The following UBE2V1 variants were observed in gnomAD, a reference collection of about 807,000 sequenced individuals.
The protein encoded by UBE2V1 is ubiquitin-conjugating enzyme E2 variant 1.
A neutral mutation model predicts 19.6 loss-of-function variants in UBE2V1; 15 were observed. The ratio of observed to expected loss-of-function variants is 0.77; its 90% CI spans 0.51 to 1.18. The LOEUF is 1.18. Among genes scored for constraint, UBE2V1 ranks in the 50% most tolerant of loss-of-function variants. The pLI is 0.00. For missense variants in UBE2V1, 125 were observed against 184.8 expected, an observed-to-expected ratio of 0.68 and a Z score of 1.88; for synonymous variants, 60 against 60.7, an observed-to-expected ratio of 0.99 and a Z score of 0.05.
At chr20:50,103,880 A>C (rs1206248979) in intron 1 of UBE2V1, among the ~76,000 whole-genome samples, 1 of 146,692 alleles carries the variant, frequency 6.8e-6, no homozygotes, top group Non-Finnish European at 1.5e-5. Context: ...TCACTCTCTA[A>C]GTTTCTCAAG....
At chr20:50,086,820 G>T (rs1481786493) in intron 2 of UBE2V1, among the ~76,000 whole-genome samples, 1 of 152,262 alleles carries the variant, frequency 6.6e-6, no homozygotes, top group Non-Finnish European at 1.5e-5. Context: ...GCTCACGCCT[G>T]TAATCCCAGC....
upstream of UBE2V1, chr20:50,113,151 G>T (rs1441101665): frequency 7.5e-7 from 1 of 1,332,838 alleles, no homozygotes; most frequent in Admixed American, 3.2e-5. Context: ...TTGCTTGAAG[G>T]CCGGCCCCTT....
At chr20:50,113,066 C>G in intron 1 of UBE2V1, 41 bp downstream of exon 1, 1 of 952,688 alleles carries the variant, frequency 1.0e-6, no homozygotes, top group Non-Finnish European at 1.4e-6. Context: ...CGGCCCAAGC[C>G]CATGCCCCCT....
At chr20:50,113,184 C>G (rs939526253), upstream of UBE2V1, 18 of 1,244,402 alleles carry the variant, frequency 1.4e-5, no homozygotes, top group Admixed American at 6.2e-4. Flanking sequence ...CTTACCCGTC[C>G]CCCGGCCCTG....
intron 2 of UBE2V1, chr20:50,096,351 T>C (rs1203022263): frequency 5.4e-6 from 2 of 369,416 alleles, no homozygotes; most frequent in Admixed American, 4.5e-5. Flanking sequence ...ATGCTGGCTA[T>C]ACCTAGGGCC....
intron 1 of UBE2V1, 26 bp downstream of exon 1, chr20:50,113,081 C>G (rs2080877003): frequency 8.6e-7 from 1 of 1,164,294 alleles, no homozygotes; most frequent in African/African-American, 1.6e-5. Context: ...CCCCCTCGGC[C>G]GGCCGGGCCC....
chr20:50,096,367 A>G, intron 2 of UBE2V1: 1 of 434,744 alleles, frequency 2.3e-6, no homozygotes. Context: ...GGGCCTAGTT[A>G]TTTGGTTAGC....
intron 2 of UBE2V1, 81 bp downstream of exon 2, chr20:50,096,591 C>T (rs1183978643): frequency 6.9e-6 from 11 of 1,604,238 alleles, no homozygotes; most frequent in Non-Finnish European, 9.3e-6. Flanking sequence ...AGCTTTTTTT[C>T]CGTGATAAGG....
intron 1 of UBE2V1, among the ~76,000 whole-genome samples, chr20:50,107,194 C>A (rs1393459164): frequency 6.6e-6 from 1 of 152,166 alleles, no homozygotes; most frequent in Non-Finnish European, 1.5e-5. Context: ...CAAGTTAGTC[C>A]CCAGACCTCA....
In UBE2V1 at chr20:50,096,888, T is replaced by C. The variant is rs938152569; in HGVS notation, c.23-68A>G. The stretch of plus-strand genomic sequence containing the variant: ...GGGAACTTGTAAGCCTAGAGCTAGC[T>C]GCTCATTATCTCTCCCTGGGAATCA... On this transcript the variant is annotated intron_variant, in intron 1 of 3. Coordinates refer to ENST00000371674, the MANE Select transcript of UBE2V1 (RefSeq NM_001032288.3). 1.1e-5 allele frequency: 18 copies of C among 1,591,820 alleles called. No homozygotes were observed. In the African/African-American group the frequency reaches 2.2e-4, roughly 19 times the overall value.
chr20:50,091,298 G>C (rs1311166382), intron 2 of UBE2V1, among the ~76,000 whole-genome samples: 1 of 151,540 alleles, frequency 6.6e-6, no homozygotes, highest in Non-Finnish European at 1.5e-5. Flanking sequence ...CACCTGCCTC[G>C]GCCTCCCAAA....
chr20:50,108,260 A>G (rs192535853), intron 1 of UBE2V1, among the ~76,000 whole-genome samples: 12 of 152,302 alleles, frequency 7.9e-5, no homozygotes, highest in African/African-American at 2.9e-4. Context: ...AAGAGTGGAG[A>G]CAGAAAGGAG....
chr20:50,110,461 A>C (rs1345106470), intron 1 of UBE2V1, among the ~76,000 whole-genome samples: 1 of 152,208 alleles, frequency 6.6e-6, no homozygotes, highest in Admixed American at 6.5e-5. Context: ...CAGATTAATC[A>C]AGAGCCTCAC....
chr20:50,104,873 C>T (rs1343988149), intron 1 of UBE2V1, among the ~76,000 whole-genome samples: 3 of 151,328 alleles, frequency 2.0e-5, no homozygotes, highest in Admixed American at 6.6e-5. Flanking sequence ...ATTACAGGCA[C>T]GCGCCACGAC....
intron 2 of UBE2V1, among the ~76,000 whole-genome samples, chr20:50,087,288 C>T (rs928329683): frequency 1.3e-5 from 2 of 148,792 alleles, no homozygotes; most frequent in South Asian, 4.3e-4. Flanking sequence ...CCCAGCTAAC[C>T]GGGGGGCTGA....
intron 1 of UBE2V1, among the ~76,000 whole-genome samples, chr20:50,108,528 C>T (rs1173089610): frequency 1.3e-5 from 2 of 152,202 alleles, no homozygotes; most frequent in Admixed American, 6.5e-5. Context: ...AGCACCCAGG[C>T]TCTGCACCTC....
At chr20:50,113,346 CAT>C (rs1168240034), upstream of UBE2V1, 52 of 387,502 alleles carry the variant, frequency 1.3e-4, no homozygotes, top group Admixed American at 1.0e-3. Context: ...AGTCCCCACA[CAT>C]CGGGTGCGAG....
In UBE2V1 at chr20:50,081,129, T is replaced by C. The variant is rs775575773; in HGVS notation, c.*1639A>G. ...AGGAAGAAAAGTACAGCCTGTTAAA[T>C]ATTAACGCACACTTTTTTTTTATTA... On this transcript the variant is annotated 3_prime_UTR_variant, in exon 4 of 4. Coordinates refer to ENST00000371674, the MANE Select transcript of UBE2V1 (RefSeq NM_001032288.3). 1.3e-5 allele frequency: 2 copies of C among 149,518 alleles called. No individual in the cohort carries two copies. The highest frequency in any genetic ancestry group is 2.5e-5 in the African/African-American group (1 of 39,592). The allele number at this position is 149,518 out of a possible 1,614,324, so 9.3% of individuals were successfully genotyped here.
chr20:50,099,614 C>T (rs1216623910), intron 1 of UBE2V1, among the ~76,000 whole-genome samples: 3 of 152,182 alleles, frequency 2.0e-5, no homozygotes, highest in Admixed American at 6.5e-5. Context: ...AGGGCCTGTG[C>T]GACTGTCATT....
Sources: gnomAD v4.1 joint callset for allele counts (sites outside exome capture counted in the v4.1 genomes callset) on GRCh38, gnomAD v4.1.1 for gene constraint, MANE v1.5 for transcripts, NCBI Gene and HGNC (gene_info 2026-07-23, HGNC 2026-07-21) for gene names.